Variants in RBMXL2 observed in about 807,000 individuals in gnomAD.
RBMXL2 encodes the protein RBMX like 2.
A neutral mutation model predicts 1.0 loss-of-function variants in RBMXL2; 2 were observed. The ratio of observed to expected loss-of-function variants is 2.05; its 90% CI spans 0.84 to 6.44. The LOEUF is 6.44. Ranked by LOEUF, RBMXL2 falls within the 30% of genes most tolerant of loss-of-function variation. The pLI is 0.05. For missense variants in RBMXL2, 658 were observed against 608.5 expected (o/e 1.08, Z -0.85); for synonymous variants, 313 against 267.9 (o/e 1.17, Z -1.64).
chr11:7,089,701 C>G lies in RBMXL2; in HGVS notation c.581C>G (p.Pro194Arg), dbSNP rs755396057. The G allele has an allele frequency of 3.9e-6, 6 of 1,519,976 alleles. No individual in the cohort carries two copies. The highest frequency in any genetic ancestry group is 8.8e-7 in the Non-Finnish European group (1 of 1,136,312). The allele number at this position is 1,519,976 out of a possible 1,614,324, so 94.2% of individuals were successfully genotyped here. A position where few individuals can be genotyped will look rare whatever the true frequency, so the allele number is the denominator to read the frequency against. Reference protein sequence around the residue: ...VRGRDGYSGPPRREPLPPRRD... With the variant: ...VRGRDGYSGPRRREPLPPRRD... ...GGGCGAGACGGCTACTCAGGCCCAC[C>G]GCGCCGGGAGCCGCTGCCCCCGCGC... The change falls in exon 1 of 1, where the codon CCG (proline) becomes CGG (arginine). Residue 194 changes from proline (P) to arginine (R), a missense_variant. By Grantham distance (103) the Pro-to-Arg change is moderately radical (BLOSUM62 -2). Transcript: ENST00000306904.
chr11:7,089,715 C>G lies in RBMXL2; in HGVS notation c.595C>G (p.Leu199Val), dbSNP rs369320470. ...CTCAGGCCCACCGCGCCGGGAGCCGCTGCCCCCGCGCCGCGACCCCTACCT... is the reference window on the plus strand; with the variant it reads ...CTCAGGCCCACCGCGCCGGGAGCCGGTGCCCCCGCGCCGCGACCCCTACCT... ...GYSGPPRREP[L>V]PPRRDPYLGP... is the part of the protein sequence containing the mutation. The change falls in exon 1 of 1, where the codon CTG becomes GTG. Residue 199 changes from leucine to valine, a missense_variant. By Grantham distance (32) the Leu-to-Val change is conservative. Coordinates refer to ENST00000306904, the MANE Select transcript of RBMXL2 (RefSeq NM_014469.5). 31 of 1,526,666 alleles carry G rather than the reference C, an allele frequency of 2.0e-5. No individual in the cohort carries two copies. The South Asian group carries it at 3.6e-4, about 18-fold the overall frequency. 94.6% of individuals were successfully genotyped at this position (1,526,666 alleles called of 1,614,324 possible).
At position 7,090,577 on chromosome 11, in the gene RBMXL2, G is replaced by A. The variant is rs140405727; in HGVS notation, c.*278G>A. ...TTCTTACATTTACAAGTAGAAATTCGATTAATGGCTTCTTCCCTTGTAAAT... is the reference window on the plus strand; with the variant it reads ...TTCTTACATTTACAAGTAGAAATTCAATTAATGGCTTCTTCCCTTGTAAAT... On this transcript the variant is annotated 3_prime_UTR_variant, in exon 1 of 1. Transcript: ENST00000306904. 289 of 474,556 alleles carry A rather than the reference G, an allele frequency of 6.1e-4. No individual in the cohort carries two copies. Among genetic ancestry groups the A allele is most frequent in the Non-Finnish European group, 9.3e-4 (235 of 253,520 alleles). The allele number at this position is 474,556 out of a possible 1,614,324, so 29.4% of individuals were successfully genotyped here.
chr11:7,090,192 T>C lies in RBMXL2; in HGVS notation c.1072T>C (p.Cys358Arg), dbSNP rs368528384. ...GCTCTCTCTGTCCATGGAAAGGGGC[T>C]GCCCTCCCCAGCGTGATTCTTACAG... ...RGLSLSMERGCPPQRDSYSRS... is the reference protein window; with the variant it reads ...RGLSLSMERGRPPQRDSYSRS... The change falls in exon 1 of 1, where the codon TGC becomes CGC. Residue 358 changes from cysteine to arginine, a missense_variant. Cys to Arg is a radical substitution (Grantham distance 180, BLOSUM62 -3). Transcript: ENST00000306904. 6.2e-7 allele frequency: 1 copy of C among 1,613,418 alleles called. No homozygotes were observed. Among genetic ancestry groups the C allele is most frequent in the Non-Finnish European group, 8.5e-7 (1 of 1,179,830 alleles).
chr11:7,090,302 AGG>A lies in RBMXL2; in HGVS notation c.*4_*5del. ...GAGGAGGCCGGAGCAGATACTAAGC[AGG>A]AACAGACTTGGGACCAAAAATCCCT... is the stretch of plus-strand genomic sequence containing the variant. On this transcript the variant is annotated 3_prime_UTR_variant, in exon 1 of 1. Coordinates refer to ENST00000306904, the MANE Select transcript of RBMXL2 (RefSeq NM_014469.5). 1 of 1,590,384 alleles carries A rather than the reference AGG, an allele frequency of 6.3e-7. No homozygotes were observed. The highest frequency in any genetic ancestry group is 2.3e-5 in the East Asian group (1 of 44,154).
chr11:7,089,106 G>T lies in RBMXL2; in HGVS notation c.-15G>T, dbSNP rs1359764692. 6 of 1,611,278 alleles carry T rather than the reference G, an allele frequency of 3.7e-6. No individual in the cohort carries two copies. Among genetic ancestry groups the T allele is most frequent in the Non-Finnish European group, 4.2e-6 (5 of 1,178,588 alleles). ...CGCCTCCCACCGCCACTGACCGACC[G>T]TTCGACCGGCAAACATGGTTGAAGC... On this transcript the variant is annotated 5_prime_UTR_variant, in exon 1 of 1. Coordinates refer to ENST00000306904, the MANE Select transcript of RBMXL2 (RefSeq NM_014469.5).
In RBMXL2 at chr11:7,089,657, G is replaced by C. The variant is rs997646395; in HGVS notation, c.537G>C (p.Gly179=). ...PARSSGGGMR[G]RALAVRGRDG... ...GCAGCAGCGGCGGTGGAATGCGCGG[G>C]AGGGCCCTGGCCGTGCGGGGGCGAG... The change falls in exon 1 of 1, where the codon GGG becomes GGC. Residue 179 remains glycine, a synonymous_variant. Coordinates refer to ENST00000306904, the MANE Select transcript of RBMXL2 (RefSeq NM_014469.5). 7 of 1,411,696 alleles carry C rather than the reference G, an allele frequency of 5.0e-6. No homozygotes were observed. In the African/African-American group the frequency reaches 1.0e-4, roughly 21 times the overall value. 87.4% of individuals were successfully genotyped at this position (1,411,696 alleles called of 1,614,324 possible). A position where few individuals can be genotyped will look rare whatever the true frequency, so the allele number is the denominator to read the frequency against.
chr11:7,090,294 T>C lies in RBMXL2; in HGVS notation c.1174T>C (p.Tyr392His). 6.3e-7 allele frequency: 1 copy of C among 1,596,012 alleles called. No homozygotes were observed. The highest frequency in any genetic ancestry group is 8.5e-7 in the Non-Finnish European group (1 of 1,170,834). The change falls in exon 1 of 1, where the codon TAC becomes CAC. Residue 392 changes from tyrosine (Y) to histidine (H), a missense_variant. Coordinates refer to ENST00000306904, the MANE Select transcript of RBMXL2 (RefSeq NM_014469.5). Reference sequence around the variant, plus strand: ...GGAGAGAGGAGGAGGCCGGAGCAGATACTAAGCAGGAACAGACTTGGGACC... The same window carrying C: ...GGAGAGAGGAGGAGGCCGGAGCAGACACTAAGCAGGAACAGACTTGGGACC... Reference protein sequence around the residue: ...RLERGGGRSRY With the variant: ...RLERGGGRSRH
Position 7,089,962 on chromosome 11 carries a change from A to G in RBMXL2, c.842A>G (p.Glu281Gly). The change falls in exon 1 of 1, where the codon GAG becomes GGG. Residue 281 changes from glutamate to glycine, a missense_variant. Physicochemically the swap from Glu to Gly is moderately conservative, Grantham distance 98. Coordinates refer to ENST00000306904, the MANE Select transcript of RBMXL2 (RefSeq NM_014469.5). ...GDHLSRGSHR[E>G]PFESYGELRG... ...CATCTGAGCAGAGGCTCCCATCGAG[A>G]GCCCTTTGAGAGCTACGGAGAGCTG... 6.2e-7 allele frequency: 1 copy of G among 1,612,878 alleles called. No individual in the cohort carries two copies. Among genetic ancestry groups the G allele is most frequent in the Non-Finnish European group, 8.5e-7 (1 of 1,179,932 alleles).
At position 7,090,474 on chromosome 11, in the gene RBMXL2, C is replaced by A; in HGVS notation, c.*175C>A. 1.2e-6 allele frequency: 1 copy of A among 867,990 alleles called. No homozygotes were observed. Among genetic ancestry groups the A allele is most frequent in the Non-Finnish European group, 1.8e-6 (1 of 558,098 alleles). The allele number at this position is 867,990 out of a possible 1,614,324, so 53.8% of individuals were successfully genotyped here. On this transcript the variant is annotated 3_prime_UTR_variant, in exon 1 of 1. Coordinates refer to ENST00000306904, the MANE Select transcript of RBMXL2 (RefSeq NM_014469.5). ...CTTTTGGGAGAAAAAACTTAAAATT[C>A]GTTTAGTTTAGTTTTGGAATTGTTA...
rs2119486556 is a variant in RBMXL2, at chr11:7,089,017, C to CGG, written c.-103_-102insGG. ...TTCCGTGGACTCGGCGACTAGGCGC[C>CGG]GCCTGACCAGTAGGAGCCGCCCTCG... On this transcript the variant is annotated 5_prime_UTR_variant, in exon 1 of 1. Transcript: ENST00000306904. 3.6e-6 allele frequency: 5 copies of CGG among 1,380,094 alleles called. No individual in the cohort carries two copies. The highest frequency in any genetic ancestry group is 5.0e-6 in the Non-Finnish European group (5 of 993,208). 85.5% of individuals were successfully genotyped at this position (1,380,094 alleles called of 1,614,324 possible).
chr11:7,090,316 G>A lies in RBMXL2; in HGVS notation c.*17G>A. ...AGATACTAAGCAGGAACAGACTTGG[G>A]ACCAAAAATCCCTTTTCAACGAAAC... On this transcript the variant is annotated 3_prime_UTR_variant, in exon 1 of 1. Transcript: ENST00000306904. 1.9e-6 allele frequency: 3 copies of A among 1,575,210 alleles called. No homozygotes were observed. Among genetic ancestry groups the A allele is most frequent in the South Asian group, 1.2e-5 (1 of 86,104 alleles).
In RBMXL2 at chr11:7,089,703, C is replaced by T. The variant is rs866421802; in HGVS notation, c.583C>T (p.Arg195Cys). 26 of 1,521,678 alleles carry T rather than the reference C, an allele frequency of 1.7e-5. No individual in the cohort carries two copies. Among genetic ancestry groups the T allele is most frequent in the African/African-American group, 2.8e-5 (2 of 72,544 alleles). 94.3% of individuals were successfully genotyped at this position (1,521,678 alleles called of 1,614,324 possible). Residue 195 changes from arginine to cysteine, a missense_variant, in exon 1 of 1, where the codon CGC becomes TGC. Transcript: ENST00000306904. Reference sequence around the variant, plus strand: ...GCGAGACGGCTACTCAGGCCCACCGCGCCGGGAGCCGCTGCCCCCGCGCCG... The same window carrying T: ...GCGAGACGGCTACTCAGGCCCACCGTGCCGGGAGCCGCTGCCCCCGCGCCG... ...RGRDGYSGPP[R>C]REPLPPRRDP...
chr11:7,090,793 GCAAA>G lies in RBMXL2; in HGVS notation c.*498_*501del, dbSNP rs1853118732. On this transcript the variant is annotated 3_prime_UTR_variant, in exon 1 of 1. Transcript: ENST00000306904. Reference sequence around the variant, plus strand: ...GAATCTTTGTTTCCAGTATTAAAAAGCAAACAACCAGCAACAACAACAACAAAAG... The same window carrying G: ...GAATCTTTGTTTCCAGTATTAAAAAGCAACCAGCAACAACAACAACAAAAG... 3 of 171,570 alleles carry G rather than the reference GCAAA, an allele frequency of 1.7e-5. No homozygotes were observed. Among genetic ancestry groups the G allele is most frequent in the Non-Finnish European group, 2.8e-5 (2 of 71,196 alleles). The allele number at this position is 171,570 out of a possible 1,614,324, so 10.6% of individuals were successfully genotyped here.
chr11:7,089,898 C>T lies in RBMXL2; in HGVS notation c.778C>T (p.Arg260Ter). 1 of 1,612,956 alleles carries T rather than the reference C, an allele frequency of 6.2e-7. No homozygotes were observed. Among genetic ancestry groups the T allele is most frequent in the Non-Finnish European group, 8.5e-7 (1 of 1,179,986 alleles). ...DDCPLRGYSD[R>*]DGYGGRDRDY... ...CTGTCCCTTGAGAGGCTACAGCGAC[C>T]GAGACGGCTACGGAGGTCGCGACCG... Residue 260 changes from arginine (R) to a stop codon, truncating the protein, a stop_gained, in exon 1 of 1, where the codon CGA becomes TGA. Coordinates refer to ENST00000306904, the MANE Select transcript of RBMXL2 (RefSeq NM_014469.5). LOFTEE classifies it low-confidence loss of function (END_TRUNC).
chr11:7,090,061 A>T lies in RBMXL2; in HGVS notation c.941A>T (p.Tyr314Phe), dbSNP rs1853102132. The T allele has an allele frequency of 6.2e-7, 1 of 1,612,492 alleles. No homozygotes were observed. The highest frequency in any genetic ancestry group is 8.5e-7 in the Non-Finnish European group (1 of 1,179,648). ...GGCCGCTACGAGGAGTACCGGGGCT[A>T]CTCACCCGATGCCTACAGCGGCGGC... ...GGGRYEEYRG[Y>F]SPDAYSGGRD... Residue 314 changes from tyrosine (Y) to phenylalanine (F), a missense_variant, in exon 1 of 1, where the codon TAC becomes TTC. Coordinates refer to ENST00000306904, the MANE Select transcript of RBMXL2 (RefSeq NM_014469.5).
In RBMXL2 at chr11:7,090,661, A is replaced by C; in HGVS notation, c.*362A>C. 3.0e-6 allele frequency: 1 copy of C among 334,254 alleles called. No homozygotes were observed. 20.7% of individuals were successfully genotyped at this position (334,254 alleles called of 1,614,324 possible). ...CTTTGATAAACATCTGCTCACCTAA[A>C]ATGGAAAAACGGATCATTCTGCTCA... On this transcript the variant is annotated 3_prime_UTR_variant, in exon 1 of 1. Coordinates refer to ENST00000306904, the MANE Select transcript of RBMXL2 (RefSeq NM_014469.5).
chr11:7,089,030 G>A lies in RBMXL2; in HGVS notation c.-91G>A. On this transcript the variant is annotated 5_prime_UTR_variant, in exon 1 of 1. Transcript: ENST00000306904. ...GCGACTAGGCGCCGCCTGACCAGTAGGAGCCGCCCTCGACGAGCGAGCTCG... is the reference window on the plus strand; with the variant it reads ...GCGACTAGGCGCCGCCTGACCAGTAAGAGCCGCCCTCGACGAGCGAGCTCG... 1.4e-6 allele frequency: 2 copies of A among 1,462,786 alleles called. No individual in the cohort carries two copies. The highest frequency in any genetic ancestry group is 1.2e-5 in the South Asian group (1 of 82,646). 90.6% of individuals were successfully genotyped at this position (1,462,786 alleles called of 1,614,324 possible). A position where few individuals can be genotyped will look rare whatever the true frequency, so the allele number is the denominator to read the frequency against.
Position 7,090,926 on chromosome 11 carries a change from G to T in RBMXL2, c.*627G>T, listed in dbSNP as rs1437498858. Reference sequence around the variant, plus strand: ...TGTTTTGCCTTTTTGCTTTTTCTTTGGGAATCTACAGGATCACCTGTCCCC... The same window carrying T: ...TGTTTTGCCTTTTTGCTTTTTCTTTTGGAATCTACAGGATCACCTGTCCCC... On this transcript the variant is annotated 3_prime_UTR_variant, in exon 1 of 1. Coordinates refer to ENST00000306904, the MANE Select transcript of RBMXL2 (RefSeq NM_014469.5). 1 of 169,914 alleles carries T rather than the reference G, an allele frequency of 5.9e-6. No homozygotes were observed. The allele number at this position is 169,914 out of a possible 1,614,324, so 10.5% of individuals were successfully genotyped here. A position where few individuals can be genotyped will look rare whatever the true frequency, so the allele number is the denominator to read the frequency against.
In RBMXL2 at chr11:7,089,472, C is replaced by T. The variant is rs1853085590; in HGVS notation, c.352C>T (p.Pro118Ser). The T allele has an allele frequency of 7.9e-7, 1 of 1,269,302 alleles. No individual in the cohort carries two copies. Among genetic ancestry groups the T allele is most frequent in the Non-Finnish European group, 9.9e-7 (1 of 1,005,530 alleles). The allele number at this position is 1,269,302 out of a possible 1,614,324, so 78.6% of individuals were successfully genotyped here. A position where few individuals can be genotyped will look rare whatever the true frequency, so the allele number is the denominator to read the frequency against. ...LRGTRGGGGG[P>S]RRSPSRGGPD... ...CGGAACCCGCGGGGGTGGCGGCGGCCCGCGGCGTTCCCCATCCCGGGGCGG... is the reference window on the plus strand; with the variant it reads ...CGGAACCCGCGGGGGTGGCGGCGGCTCGCGGCGTTCCCCATCCCGGGGCGG... The change falls in exon 1 of 1, where the codon CCG becomes TCG. Residue 118 changes from proline (P) to serine (S), a missense_variant. Transcript: ENST00000306904.
Sources: allele counts gnomAD v4.1 joint callset, GRCh38; gene constraint gnomAD v4.1.1; transcripts MANE v1.5; gene names NCBI Gene and HGNC (gene_info 2026-07-23, HGNC 2026-07-21).